Variants in PCDHGA6 observed in about 807,000 individuals in gnomAD.
PCDHGA6 encodes protocadherin gamma subfamily A, 6.
Under a neutral mutation model 60.6 loss-of-function variants are expected in PCDHGA6, and 41 were observed. That is an observed-to-expected ratio of 0.68 (90% CI 0.53 to 0.88). PCDHGA6 has a LOEUF of 0.88. Among genes scored for constraint, PCDHGA6 ranks in the 40% least tolerant of loss-of-function variants. The probability of loss-of-function intolerance (pLI) is 0.00; values close to 1 mark genes in which losing one functional copy is unlikely to be tolerated. For synonymous variants in PCDHGA6, 594 were observed against 524.4 expected (o/e 1.13, Z -1.81); for missense variants, 1,312 against 1,203.0 (o/e 1.09, Z -1.34).
rs185704620 is a variant in PCDHGA6, at chr5:141,396,920, C to T, written c.2424+20413C>T. Among the ~76,000 whole-genome samples the T allele has an allele frequency of 3.3e-5, 5 of 152,316 alleles. No individual in the cohort carries two copies. In the East Asian group the frequency reaches 7.7e-4, roughly 23 times the overall value. ...TATTGGCACTTTGCAATTTTAAAAACTCGGATGAAAGTTGCCCTGGTAGGA... is the reference window on the plus strand; with the variant it reads ...TATTGGCACTTTGCAATTTTAAAAATTCGGATGAAAGTTGCCCTGGTAGGA... On this transcript the variant is annotated intron_variant, in intron 1 of 3. Transcript: ENST00000517434.
At chr5:141,382,059 C>T (rs1480800714) in intron 1 of PCDHGA6, among the ~76,000 whole-genome samples, 1 of 151,960 alleles carries the variant, frequency 6.6e-6, no homozygotes, top group South Asian at 2.1e-4. Context: ...AAGCTCCCGA[C>T]CTCAGGTGAT....
Position 141,511,186 on chromosome 5 carries a change from G to A in PCDHGA6, c.*13G>A. 1 of 1,613,906 alleles carries A rather than the reference G, an allele frequency of 6.2e-7. No individual in the cohort carries two copies. The highest frequency in any genetic ancestry group is 8.5e-7 in the Non-Finnish European group (1 of 1,179,890). ...GGAGAAGAAGTAACATGGAGGCCAG[G>A]CCAAGAGCCACAGGGCGGCCTCTCC... On this transcript the variant is annotated 3_prime_UTR_variant, in exon 4 of 4. Transcript: ENST00000517434.
intron 1 of PCDHGA6, chr5:141,433,110 G>T (rs1031253372): frequency 1.2e-6 from 2 of 1,614,098 alleles, no homozygotes; most frequent in East Asian, 4.5e-5. Context: ...AGCCAGGAGA[G>T]CTTTGAAAAA....
chr5:141,425,478 G>A (rs2096877750), intron 1 of PCDHGA6, among the ~76,000 whole-genome samples: 1 of 152,148 alleles, frequency 6.6e-6, no homozygotes, highest in Admixed American at 6.5e-5. Flanking sequence ...AATTCCTATG[G>A]CAACCTACTA....
intron 1 of PCDHGA6, chr5:141,408,367 G>T: frequency 6.2e-7 from 1 of 1,613,998 alleles, no homozygotes; most frequent in Non-Finnish European, 8.5e-7. Context: ...AGGATCTAGG[G>T]CTCAGTGTCC....
At chr5:141,394,968 T>C in intron 1 of PCDHGA6, 1 of 1,613,938 alleles carries the variant, frequency 6.2e-7, no homozygotes, top group Non-Finnish European at 8.5e-7. Context: ...GCTGAGGCGC[T>C]GGCACAAGTC....
At chr5:141,447,937 T>A (rs1036604034) in intron 1 of PCDHGA6, among the ~76,000 whole-genome samples, 1 of 151,852 alleles carries the variant, frequency 6.6e-6, no homozygotes, top group Non-Finnish European at 1.5e-5. Context: ...AATACAAAAA[T>A]TAGCTGGGCA....
intron 1 of PCDHGA6, among the ~76,000 whole-genome samples, chr5:141,445,263 C>T (rs1170484721): frequency 1.3e-5 from 2 of 152,152 alleles, no homozygotes; most frequent in African/African-American, 2.4e-5. Context: ...GAATATAAGT[C>T]GAAACCACTC....
chr5:141,503,304 A>G (rs946582779), intron 2 of PCDHGA6, among the ~76,000 whole-genome samples: 1 of 152,150 alleles, frequency 6.6e-6, no homozygotes, highest in African/African-American at 2.4e-5. Flanking sequence ...ATTGCTCAAG[A>G]AAGAATTGTT....
chr5:141,463,438 CTTTTTTTTTT>C (rs71576115), intron 1 of PCDHGA6, among the ~76,000 whole-genome samples: 6 of 103,254 alleles, frequency 5.8e-5, no homozygotes, highest in Non-Finnish European at 9.4e-5. Flanking sequence ...TTTCCTTCTC[CTTTTTTTTTT>C]TTTTTTTTTT....
intron 2 of PCDHGA6, among the ~76,000 whole-genome samples, chr5:141,500,587 C>T (rs1418158417): frequency 6.6e-5 from 10 of 152,170 alleles, no homozygotes; most frequent in South Asian, 2.1e-4. Flanking sequence ...ACACTTTATT[C>T]ACATATTAAG....
In PCDHGA6 at chr5:141,382,880, G is replaced by C. The variant is rs959397097; in HGVS notation, c.2424+6373G>C. The C allele has an allele frequency of 5.2e-6, 8 of 1,526,962 alleles. No homozygotes were observed. The African/African-American group carries it at 5.6e-5, about 11-fold the overall frequency. The allele number at this position is 1,526,962 out of a possible 1,614,324, so 94.6% of individuals were successfully genotyped here. ...AGCACTTCCCGAGATCGGCGCCTAA[G>C]CAAGAGAAGCAGGACGACTATGGCG... On this transcript the variant is annotated intron_variant, in intron 1 of 3. Transcript: ENST00000517434.
At position 141,486,530 on chromosome 5, in the gene PCDHGA6, C is replaced by T; in HGVS notation, c.2425-8277C>T. 6.2e-7 allele frequency: 1 copy of T among 1,614,174 alleles called. No homozygotes were observed. The highest frequency in any genetic ancestry group is 8.5e-7 in the Non-Finnish European group (1 of 1,180,022). On this transcript the variant is annotated intron_variant, in intron 1 of 3. Transcript: ENST00000517434. The surrounding 1 kb of genome is among the most constrained non-coding windows in gnomAD (Gnocchi z 5.0). Reference sequence around the variant, plus strand: ...TATTTCAGATGTGAATGATAATCCACCCTCTTTCTTTCAGAGGTCACATGA... The same window carrying T: ...TATTTCAGATGTGAATGATAATCCATCCTCTTTCTTTCAGAGGTCACATGA...
intron 1 of PCDHGA6, chr5:141,382,766 G>C (rs1015953757): frequency 5.7e-6 from 4 of 705,490 alleles, no homozygotes; most frequent in Admixed American, 2.7e-5. Flanking sequence ...CCTCTTCCAG[G>C]CTGCACTAAA....
At chr5:141,506,076 T>C (rs2154593839) in intron 3 of PCDHGA6, among the ~76,000 whole-genome samples, 1 of 152,244 alleles carries the variant, frequency 6.6e-6, no homozygotes, top group South Asian at 2.1e-4. Flanking sequence ...TCCTTTGTAA[T>C]AGAGATTCGG....
At chr5:141,404,465 G>C in intron 1 of PCDHGA6, 1 of 1,613,516 alleles carries the variant, frequency 6.2e-7, no homozygotes, top group Non-Finnish European at 8.5e-7. Flanking sequence ...CTCCACCTAT[G>C]TCTCTATTAA....
intron 1 of PCDHGA6, chr5:141,478,182 AT>A: frequency 6.2e-7 from 1 of 1,613,984 alleles, no homozygotes. Context: ...CAGAAAAAAA[AT>A]CTCACCTTTT....
chr5:141,401,272 G>A (rs998700154), intron 1 of PCDHGA6, among the ~76,000 whole-genome samples: 1 of 152,172 alleles, frequency 6.6e-6, no homozygotes. Flanking sequence ...AACCTGGCAG[G>A]TGGAGGTTGC....
At position 141,431,496 on chromosome 5, in the gene PCDHGA6, A is replaced by C. The variant is rs1223687647; in HGVS notation, c.2424+54989A>C. On this transcript the variant is annotated intron_variant, in intron 1 of 3. Coordinates refer to ENST00000517434, the MANE Select transcript of PCDHGA6 (RefSeq NM_018919.3). This position sits in a 1 kb window ranked among gnomAD's most constrained non-coding sequence, Gnocchi z 4.8. ...AACGCACCAGCGTTTGCTCAGCCCGAGTACCGCGCGAGCGTTCCGGAGAAT... is the reference window on the plus strand; with the variant it reads ...AACGCACCAGCGTTTGCTCAGCCCGCGTACCGCGCGAGCGTTCCGGAGAAT... 5 of 1,614,020 alleles carry C rather than the reference A, an allele frequency of 3.1e-6. No individual in the cohort carries two copies. The South Asian group carries it at 4.4e-5, about 14-fold the overall frequency.
Sources: allele counts gnomAD v4.1 joint callset (sites outside exome capture counted in the v4.1 genomes callset), GRCh38; gene constraint gnomAD v4.1.1; non-coding constraint Gnocchi (gnomAD v3.1); transcripts MANE v1.5; gene names NCBI Gene and HGNC (gene_info 2026-07-23, HGNC 2026-07-21).